Variants in CFAP20DC observed in about 807,000 individuals in gnomAD.
The protein encoded by CFAP20DC is protein CFAP20DC.
Under a neutral mutation model 101.7 loss-of-function variants are expected in CFAP20DC, and 84 were observed. The ratio of observed to expected loss-of-function variants is 0.83; its 90% confidence interval spans 0.69 to 0.99. CFAP20DC has a LOEUF of 0.99. CFAP20DC is among the 50% of genes least tolerant of loss of function. CFAP20DC has a pLI of 0.00. For missense variants in CFAP20DC, 1,007 were observed against 970.3 expected, an observed-to-expected ratio of 1.04 and a Z score of -0.50; for synonymous variants, 359 against 351.2, an observed-to-expected ratio of 1.02 and a Z score of -0.25.
intron 4 of CFAP20DC, among the ~76,000 whole-genome samples, chr3:59,005,353 C>T (rs1028093722): frequency 6.6e-6 from 1 of 152,172 alleles, no homozygotes; most frequent in Non-Finnish European, 1.5e-5. Flanking sequence ...AACCTGCCCA[C>T]AGATAAATGA....
chr3:58,943,751 G>C (rs1336753012), intron 4 of CFAP20DC, among the ~76,000 whole-genome samples: 2 of 152,156 alleles, frequency 1.3e-5, no homozygotes, highest in Admixed American at 1.3e-4. Context: ...GTACGCTTCA[G>C]AAGGTGGGTA....
intron 15 of CFAP20DC, among the ~76,000 whole-genome samples, chr3:58,771,349 T>G (rs143937748): frequency 1.5e-3 from 230 of 152,074 alleles, no homozygotes; most frequent in African/African-American, 5.1e-3. Flanking sequence ...TGTATACCTA[T>G]GTAACAAACC....
At chr3:58,823,371 A>G (rs1053545927) in intron 14 of CFAP20DC, among the ~76,000 whole-genome samples, 1 of 152,182 alleles carries the variant, frequency 6.6e-6, no homozygotes, top group Non-Finnish European at 1.5e-5. Context: ...TTTGGCATTC[A>G]GTCATACCTA....
Position 58,894,168 on chromosome 3 carries a change from T to C in CFAP20DC, c.551-9459A>G. The stretch of plus-strand genomic sequence containing the variant: ...CAGCCAAACCATATCATTCTCCCCT[T>C]GGCCCCTCCCAAATCTCACGTCCTC... On this transcript the variant is annotated intron_variant, in intron 6 of 16. Coordinates refer to ENST00000482387, the MANE Select transcript of CFAP20DC (RefSeq NM_001394063.1). The surrounding 1 kb of genome is among the most constrained non-coding windows in gnomAD (Gnocchi z 4.1). 6.6e-6 allele frequency among the ~76,000 whole-genome samples: 1 copy of C among 152,114 alleles called. No individual in the cohort carries two copies. The highest frequency in any genetic ancestry group is 2.1e-4 in the South Asian group (1 of 4,820).
chr3:58,877,245 T>C (rs758718681), intron 7 of CFAP20DC, among the ~76,000 whole-genome samples: 4 of 152,164 alleles, frequency 2.6e-5, no homozygotes, highest in Non-Finnish European at 5.9e-5. Context: ...TCTAGTACTG[T>C]GTAAGACAGG....
intron 4 of CFAP20DC, among the ~76,000 whole-genome samples, chr3:59,011,397 C>CAAAAAA (rs371802860): frequency 8.7e-6 from 1 of 114,808 alleles, no homozygotes; most frequent in Non-Finnish European, 1.9e-5. Context: ...GGCTCCATCT[C>CAAAAAA]AAAAAAAAAA....
At chr3:58,992,000 T>C (rs1241098059) in intron 4 of CFAP20DC, among the ~76,000 whole-genome samples, 1 of 152,192 alleles carries the variant, frequency 6.6e-6, no homozygotes, top group African/African-American at 2.4e-5. Flanking sequence ...AAGCAAACTA[T>C]TGTTATTAAG....
chr3:58,976,620 C>T (rs1196925515), intron 4 of CFAP20DC, among the ~76,000 whole-genome samples: 1 of 152,190 alleles, frequency 6.6e-6, no homozygotes, highest in Non-Finnish European at 1.5e-5. Flanking sequence ...CTAATAACAT[C>T]TTTTCATTCA....
chr3:58,784,482 C>A (rs968371835), intron 15 of CFAP20DC, among the ~76,000 whole-genome samples: 1 of 151,970 alleles, frequency 6.6e-6, no homozygotes, highest in African/African-American at 2.4e-5. Context: ...AATATACCCA[C>A]GTAACAAATC....
At chr3:58,726,107 AGAG>A (rs1475035771) in intron 3 of CFAP20DC, 1 of 152,344 alleles carries the variant, frequency 6.6e-6, no homozygotes, top group African/African-American at 2.4e-5. Context: ...ACTGCCTGTT[AGAG>A]GAGGCCTAGT....
chr3:58,885,839 T>G (rs536471770), intron 6 of CFAP20DC, among the ~76,000 whole-genome samples: 2 of 152,244 alleles, frequency 1.3e-5, no homozygotes, highest in Admixed American at 1.3e-4. Flanking sequence ...ATACCACATT[T>G]TCTTTATTCA....
At position 58,882,594 on chromosome 3, in the gene CFAP20DC, C is replaced by A. The variant is rs1468274808; in HGVS notation, c.715+1951G>T. ...ACTCTTATTTTATTCTGTGGTACATCTTCCATTCAGATTGAATTGTGACCC... is the reference window on the plus strand; with the variant it reads ...ACTCTTATTTTATTCTGTGGTACATATTCCATTCAGATTGAATTGTGACCC... On this transcript the variant is annotated intron_variant, in intron 7 of 16. Transcript: ENST00000482387. The surrounding 1 kb of genome is among the most constrained non-coding windows in gnomAD (Gnocchi z 4.2). Among the ~76,000 whole-genome samples the A allele has an allele frequency of 6.6e-6, 1 of 152,124 alleles. No homozygotes were observed. Among genetic ancestry groups the A allele is most frequent in the African/African-American group, 2.4e-5 (1 of 41,428 alleles).
chr3:58,720,057 G>A (rs2067449954), intron 3 of CFAP20DC, among the ~76,000 whole-genome samples: 1 of 152,166 alleles, frequency 6.6e-6, no homozygotes, highest in African/African-American at 2.4e-5. Context: ...TCCCTGTCTT[G>A]CCATCTCAGG....
chr3:58,891,696 C>G (rs1005874463), intron 6 of CFAP20DC, among the ~76,000 whole-genome samples: 1 of 151,878 alleles, frequency 6.6e-6, no homozygotes, highest in Non-Finnish European at 1.5e-5. Flanking sequence ...TCCTTGTAGA[C>G]TCTGAATATT....
At chr3:58,933,247 T>C (rs1452588952) in intron 5 of CFAP20DC, among the ~76,000 whole-genome samples, 4 of 151,874 alleles carry the variant, frequency 2.6e-5, no homozygotes, top group Non-Finnish European at 4.4e-5. Flanking sequence ...ATGCACCCAA[T>C]ACAGGAGCAC....
intron 4 of CFAP20DC, among the ~76,000 whole-genome samples, chr3:58,996,003 T>TA (rs1576637932): frequency 1.3e-5 from 2 of 151,894 alleles, no homozygotes; most frequent in African/African-American, 4.8e-5. Context: ...TCTATCTATC[T>TA]ATCTATCTAT....
At chr3:59,046,979 T>C (rs925615089) in intron 2 of CFAP20DC, among the ~76,000 whole-genome samples, 186 bp downstream of exon 2, 9 of 152,202 alleles carry the variant, frequency 5.9e-5, no homozygotes, top group African/African-American at 1.7e-4. Context: ...GGTTATGACC[T>C]GTGTGCCAAA....
At chr3:58,736,929 A>C (rs891917886) in intron 3 of CFAP20DC, among the ~76,000 whole-genome samples, 1 of 152,226 alleles carries the variant, frequency 6.6e-6, no homozygotes, top group African/African-American at 2.4e-5. Context: ...TTTTGACTTA[A>C]TGTGATTCTA....
chr3:58,967,143 A>C (rs1202322940), intron 4 of CFAP20DC, among the ~76,000 whole-genome samples: 1 of 152,250 alleles, frequency 6.6e-6, no homozygotes, highest in Non-Finnish European at 1.5e-5. Flanking sequence ...GTGTGGTATC[A>C]GCATAATGAC....
Sources: gnomAD v4.1 joint callset for allele counts (sites outside exome capture counted in the v4.1 genomes callset) on GRCh38, gnomAD v4.1.1 for gene constraint, Gnocchi (gnomAD v3.1) non-coding constraint, MANE v1.5 for transcripts, NCBI Gene and HGNC (gene_info 2026-07-23, HGNC 2026-07-21) for gene names.